DZIP1L: variants seen among roughly 807,000 people sequenced by gnomAD.
The protein encoded by DZIP1L is DAZ interacting zinc finger protein 1 like, also known as cilium assembly protein DZIP1L.
In DZIP1L, 90 loss-of-function variants were observed where a neutral mutation model predicts 88.7. The ratio of observed to expected loss-of-function variants is 1.02; its 90% CI spans 0.86 to 1.21. The LOEUF (loss-of-function observed/expected upper bound fraction) is 1.21. DZIP1L is among the 50% of genes most tolerant of loss of function. DZIP1L has a pLI of 0.00. For synonymous variants in DZIP1L, 363 were observed against 372.1 expected (o/e 0.98, Z 0.28); for missense variants, 932 against 955.8 (o/e 0.98, Z 0.33).
intron 2 of DZIP1L, chr3:138,101,757 C>T: frequency 1.0e-6 from 1 of 994,916 alleles, no homozygotes. Flanking sequence ...CCAGCAGCTT[C>T]CTATAGGTGG....
rs772774775 is a variant in DZIP1L, at chr3:138,068,333, C to G, written c.1650G>C (p.Glu550Asp). Reference protein sequence around the residue: ...KSQQSTLVTREAQPKTRTLQV... With the variant: ...KSQQSTLVTRDAQPKTRTLQV... ...GCAGGGTCCTGGTCTTTGGCTGGGC[C>G]TCTCTGGTGACCAGTGTGCTCTGCT... Residue 550 changes from glutamate to aspartate, a missense_variant, in exon 13 of 16, where the codon GAG becomes GAC. Transcript: ENST00000327532. The G allele has an allele frequency of 1.3e-6, 2 of 1,577,468 alleles. No homozygotes were observed. The highest frequency in any genetic ancestry group is 1.7e-6 in the Non-Finnish European group (2 of 1,160,150).
intron 11 of DZIP1L, among the ~76,000 whole-genome samples, chr3:138,074,688 C>T (rs138787522): frequency 9.2e-5 from 14 of 151,606 alleles, no homozygotes; most frequent in Non-Finnish European, 2.1e-4. Context: ...AACAGAACCT[C>T]CTTAAAGCAT....
chr3:138,111,002 G>C (rs1025699262), intron 1 of DZIP1L, among the ~76,000 whole-genome samples: 2 of 152,170 alleles, frequency 1.3e-5, no homozygotes, highest in African/African-American at 4.8e-5. Context: ...GACAGGAGCT[G>C]GGAAAGGGTT....
At chr3:138,105,183 CAT>C (rs1400776520) in intron 1 of DZIP1L, among the ~76,000 whole-genome samples, 5 of 151,836 alleles carry the variant, frequency 3.3e-5, no homozygotes, top group Admixed American at 6.6e-5. Context: ...TTAATATAAT[CAT>C]ATTTAATAAC....
intron 11 of DZIP1L, among the ~76,000 whole-genome samples, chr3:138,076,476 C>T (rs959092109): frequency 1.3e-5 from 2 of 152,200 alleles, no homozygotes; most frequent in African/African-American, 4.8e-5. Flanking sequence ...TTTATAGCAG[C>T]ACAATTTGCA....
intron 5 of DZIP1L, among the ~76,000 whole-genome samples, chr3:138,092,049 C>A (rs1390254746): frequency 6.6e-6 from 1 of 152,188 alleles, no homozygotes; most frequent in Admixed American, 6.5e-5. Context: ...TTACTATATA[C>A]CAGATACACT....
At chr3:138,071,134 T>C (rs564582929) in intron 12 of DZIP1L, among the ~76,000 whole-genome samples, 1 of 152,146 alleles carries the variant, frequency 6.6e-6, no homozygotes, top group Non-Finnish European at 1.5e-5. Flanking sequence ...TCTCTCATGC[T>C]CTCCCATGGC....
rs759590993 is a variant in DZIP1L at position 138,067,590 on chromosome 3, C to T, written c.1943G>A (p.Trp648Ter). The part of the protein sequence containing the change: ...SRMVPRPKDD[W>*]DWSDTETSEE... ...CGAGGTCTCTGTGTCAGACCAGTCC[C>T]AGTCATCCTTGGGCCGGGGCACCAT... The change falls in exon 14 of 16, where the codon TGG (tryptophan) becomes TAG (stop). Residue 648 changes from tryptophan to a stop codon, truncating the protein, a stop_gained. Coordinates refer to ENST00000327532, the MANE Select transcript of DZIP1L (RefSeq NM_173543.3). LOFTEE classifies it high-confidence loss of function. 5.0e-6 allele frequency: 8 copies of T among 1,612,282 alleles called. No homozygotes were observed. Among genetic ancestry groups the T allele is most frequent in the Non-Finnish European group, 5.9e-6 (7 of 1,179,220 alleles).
At chr3:138,108,313 C>G (rs925768849) in intron 1 of DZIP1L, 4 of 760,444 alleles carry the variant, frequency 5.3e-6, no homozygotes, top group Admixed American at 1.3e-4. Flanking sequence ...TAATAAGACA[C>G]CTGCTTCCTG....
Position 138,080,583 on chromosome 3 carries a change from C to CACACCT in DZIP1L, c.1271_1272insAGGTGT (p.Glu424_Asp425insGlyVal). ...AGGTCCCACCTTCCTCTGGAGAGTCCTCCTCTGTGTCCACAGCCTTTGGCA... is the reference window on the plus strand; with the variant it reads ...AGGTCCCACCTTCCTCTGGAGAGTCCACACCTTCCTCTGTGTCCACAGCCTTTGGCA... On this transcript the variant is annotated inframe_insertion, in exon 10 of 16. Coordinates refer to ENST00000327532, the MANE Select transcript of DZIP1L (RefSeq NM_173543.3). 6.2e-7 allele frequency: 1 copy of CACACCT among 1,613,874 alleles called. No homozygotes were observed. The highest frequency in any genetic ancestry group is 8.5e-7 in the Non-Finnish European group (1 of 1,179,856).
At chr3:138,072,899 T>G (rs558159761) in intron 11 of DZIP1L, among the ~76,000 whole-genome samples, 1 of 152,088 alleles carries the variant, frequency 6.6e-6, no homozygotes, top group Non-Finnish European at 1.5e-5. Context: ...ACTGCCAGAT[T>G]TCCCCCACTT....
intron 8 of DZIP1L, among the ~76,000 whole-genome samples, chr3:138,083,540 T>C (rs991528816): frequency 1.3e-5 from 2 of 152,172 alleles, no homozygotes; most frequent in Admixed American, 6.5e-5. Context: ...AGGAGAAAGG[T>C]GCTAACTAAG....
chr3:138,102,550 C>T (rs2042353012), intron 2 of DZIP1L: 4 of 1,401,374 alleles, frequency 2.9e-6, no homozygotes, highest in East Asian at 4.6e-5. Context: ...CAGGAGGCTC[C>T]AGTTGGTCTC....
intron 2 of DZIP1L, chr3:138,102,118 A>T: frequency 1.4e-6 from 2 of 1,422,326 alleles, no homozygotes; most frequent in Non-Finnish European, 2.0e-6. Flanking sequence ...ATCTCCTTGT[A>T]CTGTGCCTTG....
chr3:138,069,577 G>A (rs566445162), intron 12 of DZIP1L, among the ~76,000 whole-genome samples: 1 of 152,234 alleles, frequency 6.6e-6, no homozygotes, highest in African/African-American at 2.4e-5. Context: ...GCCTGCTGGG[G>A]GAAAATAACA....
intron 2 of DZIP1L, chr3:138,102,865 TG>T: frequency 1.5e-6 from 1 of 675,220 alleles, no homozygotes. Context: ...GCTGAAGACC[TG>T]GGGGCCAGAG....
At chr3:138,091,216 G>A (rs1019758496) in intron 5 of DZIP1L, among the ~76,000 whole-genome samples, 1 of 152,022 alleles carries the variant, frequency 6.6e-6, no homozygotes, top group Non-Finnish European at 1.5e-5. Context: ...TCCAGTAGAA[G>A]AATAGGACCT....
chr3:138,095,294 T>G (rs936755605), intron 3 of DZIP1L, among the ~76,000 whole-genome samples: 1 of 151,776 alleles, frequency 6.6e-6, no homozygotes, highest in Non-Finnish European at 1.5e-5. Context: ...AAAATAAGTA[T>G]TTTGACAGTA....
intron 2 of DZIP1L, chr3:138,101,897 TG>T: frequency 1.4e-6 from 2 of 1,442,058 alleles, no homozygotes; most frequent in Non-Finnish European, 2.0e-6. Flanking sequence ...GCATCCTTAA[TG>T]GCCAGCTCCC....
Sources: allele counts gnomAD v4.1 joint callset (sites outside exome capture counted in the v4.1 genomes callset), GRCh38; gene constraint gnomAD v4.1.1; transcripts MANE v1.5; gene names NCBI Gene and HGNC (gene_info 2026-07-23, HGNC 2026-07-21).